Variants in LANCL3 observed in about 807,000 individuals in gnomAD.
LANCL3 encodes the protein LanC like family member 3.
Under a neutral mutation model 26.5 loss-of-function variants are expected in LANCL3, and 19 were observed. That is an observed-to-expected ratio of 0.72 (90% confidence interval 0.50 to 1.05). The LOEUF is 1.05. Ranked by LOEUF, LANCL3 falls within the 50% of genes least tolerant of loss-of-function variation. LANCL3 has a pLI of 0.00. For missense variants in LANCL3, 318 were observed against 362.7 expected, an observed-to-expected ratio of 0.88 and a Z score of 1.00; for synonymous variants, 160 against 166.6, an observed-to-expected ratio of 0.96 and a Z score of 0.30.
At chrX:37,647,020 A>T (rs1204227092) in intron 1 of LANCL3, among the ~76,000 whole-genome samples, 5 of 112,121 alleles carry the variant, frequency 4.5e-5, no homozygotes, top group African/African-American at 1.6e-4. Flanking sequence ...TTAAGTATTA[A>T]AAATACCCAG....
chrX:37,583,084 C>T (rs1361414112), intron 1 of LANCL3, among the ~76,000 whole-genome samples: 2 of 111,816 alleles, frequency 1.8e-5, no homozygotes, highest in African/African-American at 6.5e-5. Context: ...ATCCTTTCCC[C>T]ATTTCTTGTT....
intron 1 of LANCL3, among the ~76,000 whole-genome samples, chrX:37,593,249 G>A (rs1187033138): frequency 1.8e-5 from 2 of 111,048 alleles, no homozygotes; most frequent in African/African-American, 3.3e-5. Context: ...CCAGGATCAC[G>A]GCTGAGTATT....
chrX:37,669,692 CTCTTT>C (rs782625181), intron 4 of LANCL3, among the ~76,000 whole-genome samples: 1,508 of 111,906 alleles, frequency 0.013, 12 homozygotes, highest in Non-Finnish European at 0.021. Flanking sequence ...CCAATTAAAC[CTCTTT>C]TCTTTGTGAA....
chrX:37,652,756 C>T (rs2146777556), intron 1 of LANCL3, among the ~76,000 whole-genome samples: 1 of 111,407 alleles, frequency 9.0e-6, no homozygotes, highest in South Asian at 3.8e-4. Context: ...AGCACAGAGG[C>T]CATCTTTGGA....
intron 1 of LANCL3, among the ~76,000 whole-genome samples, chrX:37,649,998 T>C (rs1306131141): frequency 9.0e-6 from 1 of 110,907 alleles, no homozygotes; most frequent in African/African-American, 3.3e-5. Flanking sequence ...TGTAATCCAC[T>C]GGGGAGCTTA....
chrX:37,597,663 G>A (rs1341491471), intron 1 of LANCL3, among the ~76,000 whole-genome samples: 3 of 91,952 alleles, frequency 3.3e-5, no homozygotes, highest in South Asian at 6.0e-4. Flanking sequence ...ACAGGCACAC[G>A]CCACCTTTTT....
chrX:37,588,860 C>T (rs781859053), intron 1 of LANCL3, among the ~76,000 whole-genome samples: 8 of 111,914 alleles, frequency 7.1e-5, no homozygotes, highest in African/African-American at 1.3e-4. Flanking sequence ...TGGCATTATG[C>T]GCAGTTAGCT....
At chrX:37,624,655 A>G (rs1255299991) in intron 1 of LANCL3, among the ~76,000 whole-genome samples, 2 of 112,027 alleles carry the variant, frequency 1.8e-5, no homozygotes, top group Non-Finnish European at 3.8e-5. Flanking sequence ...TTGTATACCT[A>G]GTGTCAGACA....
At chrX:37,583,983 A>G (rs1481756635) in intron 1 of LANCL3, among the ~76,000 whole-genome samples, 3 of 111,584 alleles carry the variant, frequency 2.7e-5, no homozygotes, top group Non-Finnish European at 5.6e-5. Context: ...TTATTTTGAG[A>G]TACGTCCCAT....
At chrX:37,605,667 T>C (rs1464014556) in intron 1 of LANCL3, among the ~76,000 whole-genome samples, 1 of 111,438 alleles carries the variant, frequency 9.0e-6, no homozygotes, top group African/African-American at 3.3e-5. Context: ...ACTCCCCACT[T>C]AGGGCCTTTG....
intron 1 of LANCL3, 57 bp downstream of exon 1, chrX:37,572,500 C>G (rs1449788460): frequency 3.9e-5 from 40 of 1,032,277 alleles, no homozygotes; most frequent in Non-Finnish European, 5.3e-6. Context: ...CCTCCTTTCC[C>G]CGGACTCCGT....
chrX:37,595,586 G>C (rs781921054), intron 1 of LANCL3, among the ~76,000 whole-genome samples: 12 of 112,241 alleles, frequency 1.1e-4, no homozygotes, highest in Non-Finnish European at 2.1e-4. Context: ...AGATCCAAAT[G>C]ATCCACTTAC....
intron 1 of LANCL3, among the ~76,000 whole-genome samples, chrX:37,576,900 A>G (rs1424436486): frequency 2.7e-5 from 3 of 112,099 alleles, no homozygotes; most frequent in African/African-American, 9.7e-5. Context: ...AAGGTAGGAA[A>G]TGACTTGGAC....
intron 1 of LANCL3, among the ~76,000 whole-genome samples, chrX:37,594,077 G>A (rs1556419264): frequency 9.0e-6 from 1 of 111,592 alleles, no homozygotes; most frequent in Non-Finnish European, 1.9e-5. Flanking sequence ...TCTACCCAGT[G>A]AGAAGGGGTA....
At chrX:37,640,223 G>A (rs1925828584) in intron 1 of LANCL3, among the ~76,000 whole-genome samples, 1 of 112,146 alleles carries the variant, frequency 8.9e-6, no homozygotes, top group Non-Finnish European at 1.9e-5. Flanking sequence ...AAAGAAAAGA[G>A]CTTTAATTGA....
intron 1 of LANCL3, among the ~76,000 whole-genome samples, chrX:37,602,824 A>C (rs1465041616): frequency 1.8e-5 from 2 of 111,818 alleles, no homozygotes; most frequent in South Asian, 7.5e-4. Context: ...AGTCAAAATC[A>C]GTCTTTTCAA....
chrX:37,656,653 C>T (rs782724806), intron 2 of LANCL3, among the ~76,000 whole-genome samples: 1 of 112,474 alleles, frequency 8.9e-6, no homozygotes, highest in South Asian at 3.6e-4. Flanking sequence ...TGTCATCCTG[C>T]GTATACTTCT....
At chrX:37,614,337 G>A in intron 1 of LANCL3, among the ~76,000 whole-genome samples, 1 of 111,611 alleles carries the variant, frequency 9.0e-6, no homozygotes, top group Non-Finnish European at 1.9e-5. Context: ...CTGGGTATTA[G>A]TATTTCTGAA....
intron 1 of LANCL3, among the ~76,000 whole-genome samples, chrX:37,639,585 G>C (rs782738751): frequency 9.0e-6 from 1 of 110,700 alleles, no homozygotes; most frequent in East Asian, 2.9e-4. Flanking sequence ...TAAAAGTCTA[G>C]TCTGTGACTA....
Sources: gnomAD v4.1 joint callset for allele counts (sites outside exome capture counted in the v4.1 genomes callset) on GRCh38, gnomAD v4.1.1 for gene constraint, MANE v1.5 for transcripts, NCBI Gene and HGNC (gene_info 2026-07-23, HGNC 2026-07-21) for gene names.